The following NR3C2 variants were observed in gnomAD, a reference collection of about 807,000 sequenced individuals.
The protein encoded by NR3C2 is mineralocorticoid receptor.
In NR3C2, 15 loss-of-function variants were observed where a neutral mutation model predicts 86.4. The ratio of observed to expected loss-of-function variants is 0.17; its 90% CI spans 0.12 to 0.27. The LOEUF is 0.27. NR3C2 is among the 10% of genes least tolerant of loss of function. The pLI, the probability that NR3C2 is intolerant of heterozygous loss-of-function variation, is 1.00. For missense variants in NR3C2, 960 were observed against 1,195.6 expected (o/e 0.80, Z 2.91); for synonymous variants, 458 against 450.5 (o/e 1.02, Z -0.21).
At chr4:148,148,764 ATACTTATCACAATTATATTT>A (rs1288840321) in intron 6 of NR3C2, among the ~76,000 whole-genome samples, 7 of 152,130 alleles carry the variant, frequency 4.6e-5, no homozygotes, top group Non-Finnish European at 1.0e-4. Flanking sequence ...TTTCCTTTCA[ATACTTATCACAATTATATTT>A]TACTTATAAA....
At chr4:148,216,614 A>ACTTTCAATTTATTAAATC (rs1168424684) in intron 3 of NR3C2, among the ~76,000 whole-genome samples, 1 of 152,302 alleles carries the variant, frequency 6.6e-6, no homozygotes, top group East Asian at 1.9e-4. Flanking sequence ...TTTTCAAAAT[A>ACTTTCAATTTATTAAATC]CTTTCAATTT....
At chr4:148,135,651 A>G (rs1690076414) in intron 6 of NR3C2, among the ~76,000 whole-genome samples, 2 of 152,116 alleles carry the variant, frequency 1.3e-5, no homozygotes, top group South Asian at 4.1e-4. Context: ...TCTGCAACTG[A>G]AATTTCACTG....
At chr4:148,233,686 G>A (rs1738583854) in intron 3 of NR3C2, among the ~76,000 whole-genome samples, 1 of 152,126 alleles carries the variant, frequency 6.6e-6, no homozygotes, top group African/African-American at 2.4e-5. Context: ...CGTCTGAGGA[G>A]AGGAAGAGAG....
chr4:148,136,652 G>GC (rs1733359380), intron 6 of NR3C2, among the ~76,000 whole-genome samples: 1 of 151,950 alleles, frequency 6.6e-6, no homozygotes, highest in Admixed American at 6.6e-5. Context: ...AGAGTCACCT[G>GC]CTTTTTTTTT....
chr4:148,199,107 G>T (rs977970441), intron 3 of NR3C2, among the ~76,000 whole-genome samples: 11 of 149,256 alleles, frequency 7.4e-5, no homozygotes, highest in Middle Eastern at 3.2e-3. Flanking sequence ...AAAAAAGTAG[G>T]ATGAGAAAAT....
chr4:148,101,028 A>G (rs899256217), intron 8 of NR3C2, among the ~76,000 whole-genome samples: 2 of 152,212 alleles, frequency 1.3e-5, no homozygotes, highest in African/African-American at 4.8e-5. Flanking sequence ...ATAGAGACAG[A>G]AAGAGGGGAA....
chr4:148,307,672 T>C (rs1163775205), intron 2 of NR3C2, among the ~76,000 whole-genome samples: 1 of 151,976 alleles, frequency 6.6e-6, no homozygotes, highest in East Asian at 1.9e-4. Flanking sequence ...AGCACTACCT[T>C]GGGGGTAGTC....
At chr4:148,379,376 C>T (rs1225569803) in intron 2 of NR3C2, among the ~76,000 whole-genome samples, 2 of 152,060 alleles carry the variant, frequency 1.3e-5, no homozygotes, top group Non-Finnish European at 2.9e-5. Flanking sequence ...GGATTCAAAC[C>T]ATGATGTGCA....
chr4:148,128,476 A>G (rs754840107), intron 6 of NR3C2, among the ~76,000 whole-genome samples: 1 of 152,232 alleles, frequency 6.6e-6, no homozygotes, highest in Non-Finnish European at 1.5e-5. Context: ...CCAGGCTATG[A>G]ATGCCTGTAG....
chr4:148,268,235 G>A (rs1323646286), intron 2 of NR3C2, among the ~76,000 whole-genome samples: 2 of 152,102 alleles, frequency 1.3e-5, no homozygotes, highest in Non-Finnish European at 2.9e-5. Context: ...CACTGTGCCT[G>A]GCCTTGAGTC....
intron 2 of NR3C2, among the ~76,000 whole-genome samples, chr4:148,419,349 G>A (rs1749161323): frequency 6.6e-6 from 1 of 152,166 alleles, no homozygotes; most frequent in African/African-American, 2.4e-5. Context: ...CGAAGGAAGG[G>A]CCCACGAATC....
At chr4:148,289,724 C>T (rs1741708443) in intron 2 of NR3C2, among the ~76,000 whole-genome samples, 1 of 152,124 alleles carries the variant, frequency 6.6e-6, no homozygotes, top group South Asian at 2.1e-4. Flanking sequence ...CCAGCTGTCA[C>T]TTTGGATATC....
intron 3 of NR3C2, among the ~76,000 whole-genome samples, chr4:148,248,227 C>T (rs1195765522): frequency 2.0e-5 from 3 of 152,258 alleles, no homozygotes; most frequent in East Asian, 3.9e-4. Context: ...TAATTAATGG[C>T]TAATACTCTT....
At chr4:148,252,008 C>G (rs569944844) in intron 3 of NR3C2, among the ~76,000 whole-genome samples, 21 of 152,216 alleles carry the variant, frequency 1.4e-4, no homozygotes, top group African/African-American at 4.3e-4. Flanking sequence ...ATCAGAAGGC[C>G]TGGGCTGCCT....
chr4:148,395,195 A>T (rs1747798278), intron 2 of NR3C2, among the ~76,000 whole-genome samples: 1 of 152,216 alleles, frequency 6.6e-6, no homozygotes, highest in Non-Finnish European at 1.5e-5. Context: ...ATTGTTTTAC[A>T]TCAAAATAAA....
At chr4:148,410,500 T>C (rs966747221) in intron 2 of NR3C2, among the ~76,000 whole-genome samples, 1 of 152,204 alleles carries the variant, frequency 6.6e-6, no homozygotes, top group African/African-American at 2.4e-5. Context: ...TTCAAACTTA[T>C]GGAGACTTAA....
At chr4:148,276,506 G>T (rs917413938) in intron 2 of NR3C2, among the ~76,000 whole-genome samples, 8 of 152,000 alleles carry the variant, frequency 5.3e-5, no homozygotes, top group Non-Finnish European at 7.4e-5. Flanking sequence ...ACTAATACTG[G>T]TATTACAGTA....
At position 148,279,977 on chromosome 4, in the gene NR3C2, G is replaced by A. The variant is rs72655273; in HGVS notation, c.1758-19860C>T. 1.6e-3 allele frequency among the ~76,000 whole-genome samples: 249 copies of A among 152,082 alleles called. 1 individual carries two copies. The highest frequency in any genetic ancestry group is 5.6e-3 in the African/African-American group (233 of 41,502). On this transcript the variant is annotated intron_variant, in intron 2 of 8. Transcript: ENST00000358102. ...TGACCTCAGGTGATGCACCTGCCTC[G>A]GCCTCCCAAAGTACTGGGATTACAG...
chr4:148,116,222 A>G (rs548504004), intron 7 of NR3C2, among the ~76,000 whole-genome samples: 4 of 152,350 alleles, frequency 2.6e-5, no homozygotes, highest in African/African-American at 9.6e-5. Flanking sequence ...CCAAATTTAT[A>G]TTTCTGATAG....
Sources: allele counts gnomAD v4.1 joint callset (sites outside exome capture counted in the v4.1 genomes callset), GRCh38; gene constraint gnomAD v4.1.1; transcripts MANE v1.5; gene names NCBI Gene and HGNC (gene_info 2026-07-23, HGNC 2026-07-21).